The following LINGO2 variants were observed in gnomAD, a reference collection of about 807,000 sequenced individuals.
The protein encoded by LINGO2 is leucine-rich repeat and immunoglobulin-like domain-containing nogo receptor-interacting protein 2.
A neutral mutation model predicts 30.6 loss-of-function variants in LINGO2; 14 were observed. The observed-to-expected ratio is 0.46, with a 90% confidence interval of 0.30 to 0.72. LINGO2 has a LOEUF of 0.72. Ranked by LOEUF, LINGO2 falls within the 30% of genes least tolerant of loss-of-function variation. The pLI is 0.07. For synonymous variants in LINGO2, 317 were observed against 288.5 expected (o/e 1.10, Z -1.00); for missense variants, 729 against 751.7 (o/e 0.97, Z 0.35).
Position 28,617,270 on chromosome 9 carries a change from T to C in LINGO2, c.-365+52930A>G, listed in dbSNP as rs1009973111. ...TACTTTTCTCCTCTTTCCGGCTAGT[T>C]TAATCTAAAGAATATTTCTTTCTTT... On this transcript the variant is annotated intron_variant, in intron 1 of 5. Transcript: ENST00000379992. Among the ~76,000 whole-genome samples the C allele has an allele frequency of 2.6e-5, 4 of 152,076 alleles. No individual in the cohort carries two copies. The South Asian group carries it at 8.3e-4, about 31-fold the overall frequency.
chr9:27,952,544 A>G (rs1008115578), intron 5 of LINGO2, among the ~76,000 whole-genome samples: 2 of 152,032 alleles, frequency 1.3e-5, no homozygotes, highest in Non-Finnish European at 2.9e-5. Flanking sequence ...CACACATAAG[A>G]TACAAAACTA....
the LINGO2 span, among the ~76,000 whole-genome samples, chr9:28,844,133 G>A: frequency 3.3e-5 from 5 of 151,774 alleles, no homozygotes; most frequent in Admixed American, 6.6e-5. Flanking sequence ...AGGCTGAGGC[G>A]GGTGGATCAC....
At chr9:28,041,406 T>C (rs1824191914) in intron 4 of LINGO2, among the ~76,000 whole-genome samples, 2 of 152,174 alleles carry the variant, frequency 1.3e-5, no homozygotes, top group African/African-American at 2.4e-5. Flanking sequence ...TGTGTGCTTC[T>C]GTGTATAAAA....
At chr9:28,987,398 T>G in the LINGO2 span, among the ~76,000 whole-genome samples, 1 of 152,030 alleles carries the variant, frequency 6.6e-6, no homozygotes, top group South Asian at 2.1e-4. Context: ...ATGTCTTCCC[T>G]TTCATTTATA....
intron 4 of LINGO2, among the ~76,000 whole-genome samples, chr9:28,177,437 GA>G (rs2133692460): frequency 6.6e-6 from 1 of 152,190 alleles, no homozygotes; most frequent in African/African-American, 2.4e-5. Context: ...AATGTGTTAG[GA>G]ACTTCTGAGT....
At chr9:28,108,424 A>G (rs929585642) in intron 4 of LINGO2, among the ~76,000 whole-genome samples, 1 of 152,150 alleles carries the variant, frequency 6.6e-6, no homozygotes, top group Non-Finnish European at 1.5e-5. Flanking sequence ...TGTAAGGAAG[A>G]TGCAGTGTGA....
At chr9:28,001,555 A>G (rs934707172) in intron 5 of LINGO2, among the ~76,000 whole-genome samples, 3 of 152,234 alleles carry the variant, frequency 2.0e-5, no homozygotes, top group African/African-American at 7.2e-5. Context: ...AATGGCAGAC[A>G]TAACTACAAA....
At chr9:29,023,281 G>A in the LINGO2 span, among the ~76,000 whole-genome samples, 1 of 151,752 alleles carries the variant, frequency 6.6e-6, no homozygotes, top group South Asian at 2.1e-4. Flanking sequence ...AAATTAATAT[G>A]GAATTTATTT....
the LINGO2 span, among the ~76,000 whole-genome samples, chr9:28,749,260 G>A: frequency 6.6e-6 from 1 of 151,930 alleles, no homozygotes; most frequent in East Asian, 1.9e-4. Context: ...TCTGGAAAAT[G>A]TTCCTTTTGT....
intron 3 of LINGO2, among the ~76,000 whole-genome samples, chr9:28,359,845 C>T (rs1161449506): frequency 1.3e-5 from 2 of 152,154 alleles, no homozygotes; most frequent in South Asian, 2.1e-4. Context: ...AAACATATTA[C>T]ATATGATGGT....
intron 2 of LINGO2, among the ~76,000 whole-genome samples, chr9:28,420,705 A>T (rs577632038): frequency 5.1e-4 from 77 of 152,210 alleles, no homozygotes; most frequent in Non-Finnish European, 9.0e-4. Context: ...GAGAATAGGC[A>T]TAAATTCTGC....
At chr9:28,399,345 T>G (rs1822172011) in intron 2 of LINGO2, among the ~76,000 whole-genome samples, 1 of 152,168 alleles carries the variant, frequency 6.6e-6, no homozygotes, top group Non-Finnish European at 1.5e-5. Flanking sequence ...TGCACAAATA[T>G]TTTTGTCATA....
At chr9:28,286,913 C>A (rs1017960383) in intron 4 of LINGO2, among the ~76,000 whole-genome samples, 1 of 152,120 alleles carries the variant, frequency 6.6e-6, no homozygotes, top group Non-Finnish European at 1.5e-5. Flanking sequence ...CCCCATGACA[C>A]AAGTTTACCT....
At chr9:28,250,367 C>A (rs1822152932) in intron 4 of LINGO2, among the ~76,000 whole-genome samples, 1 of 152,168 alleles carries the variant, frequency 6.6e-6, no homozygotes, top group Non-Finnish European at 1.5e-5. Flanking sequence ...GGCTGACTGG[C>A]TAGAGAATTT....
At chr9:28,246,394 T>TC (rs1822000827) in intron 4 of LINGO2, among the ~76,000 whole-genome samples, 1 of 152,036 alleles carries the variant, frequency 6.6e-6, no homozygotes, top group Non-Finnish European at 1.5e-5. Context: ...GCCACTGCAC[T>TC]CCAGTCTGGG....
the LINGO2 span, among the ~76,000 whole-genome samples, chr9:29,154,427 G>A: frequency 6.9e-6 from 1 of 145,568 alleles, no homozygotes; most frequent in Admixed American, 7.0e-5. Context: ...TCCAGCCTGG[G>A]CGACAGAGTG....
intron 5 of LINGO2, among the ~76,000 whole-genome samples, chr9:27,992,394 A>G (rs1821441115): frequency 6.6e-6 from 1 of 152,124 alleles, no homozygotes; most frequent in African/African-American, 2.4e-5. Flanking sequence ...ACATAAAATT[A>G]TTCAACAATT....
chr9:28,502,374 T>C (rs1819927830), intron 1 of LINGO2, among the ~76,000 whole-genome samples: 1 of 152,044 alleles, frequency 6.6e-6, no homozygotes, highest in Non-Finnish European at 1.5e-5. Flanking sequence ...ATCTCATTCA[T>C]TTTTCTGATT....
intron 4 of LINGO2, among the ~76,000 whole-genome samples, chr9:28,069,871 T>C (rs572637715): frequency 6.6e-6 from 1 of 152,310 alleles, no homozygotes; most frequent in Admixed American, 6.5e-5. Flanking sequence ...TTTGCTTAAC[T>C]GCCAAATAGC....
Sources: allele counts gnomAD v4.1 joint callset (sites outside exome capture counted in the v4.1 genomes callset), GRCh38; gene constraint gnomAD v4.1.1; transcripts MANE v1.5; gene names NCBI Gene and HGNC (gene_info 2026-07-23, HGNC 2026-07-21).